BDH1: variants seen among roughly 807,000 people sequenced by gnomAD.
BDH1 encodes 3-hydroxybutyrate dehydrogenase 1, also known as D-beta-hydroxybutyrate dehydrogenase, mitochondrial.
In BDH1, 30 loss-of-function variants were observed where a neutral mutation model predicts 33.1. The observed-to-expected ratio is 0.91, with a 90% CI of 0.68 to 1.23. The LOEUF is 1.23. Ranked by LOEUF, BDH1 falls within the 50% of genes most tolerant of loss-of-function variation. BDH1 has a pLI of 0.00. For synonymous variants in BDH1, 190 were observed against 183.6 expected (o/e 1.03, Z -0.28); for missense variants, 443 against 464.4 (o/e 0.95, Z 0.42).
At chr3:197,569,369 A>C (rs1314731883) in intron 1 of BDH1, among the ~76,000 whole-genome samples, 1 of 152,162 alleles carries the variant, frequency 6.6e-6, no homozygotes, top group African/African-American at 2.4e-5. Flanking sequence ...GTTACACAGA[A>C]ATTTCATTCA....
At chr3:197,556,280 C>T (rs1409606003), upstream of BDH1, among the ~76,000 whole-genome samples, 6 of 152,232 alleles carry the variant, frequency 3.9e-5, no homozygotes, top group Non-Finnish European at 8.8e-5. Flanking sequence ...AGGAAAACTC[C>T]GGTGAGGAAG....
At chr3:197,552,707 G>A (rs917976188) in intron 2 of BDH1, among the ~76,000 whole-genome samples, 11 of 151,928 alleles carry the variant, frequency 7.2e-5, no homozygotes, top group Non-Finnish European at 4.4e-5. Flanking sequence ...CCCCAACCCT[G>A]ACTATCCCCC....
At chr3:197,530,174 C>T (rs1319636572) in intron 5 of BDH1, 1 of 152,176 alleles carries the variant, frequency 6.6e-6, no homozygotes, top group South Asian at 2.1e-4. Context: ...TCCCACCTAT[C>T]AGACTGGCAA....
chr3:197,512,942 G>A (rs1009337243), intron 7 of BDH1, among the ~76,000 whole-genome samples: 6 of 152,184 alleles, frequency 3.9e-5, no homozygotes, highest in Admixed American at 6.5e-5. Context: ...AGGGAGCCCC[G>A]GGACAGCCCT....
chr3:197,539,277 T>C (rs955548981), intron 3 of BDH1, among the ~76,000 whole-genome samples: 38 of 152,250 alleles, frequency 2.5e-4, no homozygotes, highest in African/African-American at 7.9e-4. Flanking sequence ...GTGGCTGGGA[T>C]TACAGGCACC....
intron 3 of BDH1, among the ~76,000 whole-genome samples, chr3:197,536,502 G>C (rs1471121008): frequency 1.3e-5 from 2 of 152,146 alleles, no homozygotes; most frequent in African/African-American, 4.8e-5. Flanking sequence ...CATTTACATA[G>C]ATCTTTGATT....
At chr3:197,547,121 C>T (rs71325620) in intron 2 of BDH1, among the ~76,000 whole-genome samples, 36,868 of 152,002 alleles carry the variant, frequency 0.24, 4,784 homozygotes, top group Middle Eastern at 0.32. Context: ...CACACACCCT[C>T]CCCGCTCCCT....
chr3:197,511,936 G>A lies in BDH1; in HGVS notation c.991C>T (p.His331Tyr). 2 of 1,580,742 alleles carry A rather than the reference G, an allele frequency of 1.3e-6. No homozygotes were observed. Among genetic ancestry groups the A allele is most frequent in the Non-Finnish European group, 1.7e-6 (2 of 1,160,168 alleles). Reference protein sequence around the residue: ...YWWLRMQIMTHLPGAISDMIY... With the variant: ...YWWLRMQIMTYLPGAISDMIY... Reference sequence around the variant, plus strand: ...ATGTCGGAGATGGCTCCAGGCAAGTGGGTCATGATCTGCATTCGCAGCCAC... The same window carrying A: ...ATGTCGGAGATGGCTCCAGGCAAGTAGGTCATGATCTGCATTCGCAGCCAC... The change falls in exon 8 of 8, where the codon CAC (histidine) becomes TAC (tyrosine). Residue 331 changes from histidine to tyrosine, a missense_variant. Transcript: ENST00000392379.
upstream of BDH1, among the ~76,000 whole-genome samples, chr3:197,558,039 G>GA (rs917769590): frequency 6.6e-6 from 1 of 152,164 alleles, no homozygotes; most frequent in Non-Finnish European, 1.5e-5. Flanking sequence ...TACCCCAAGG[G>GA]AAAAAACATA....
intron 2 of BDH1, among the ~76,000 whole-genome samples, chr3:197,547,652 T>A (rs1716194409): frequency 6.6e-6 from 1 of 152,248 alleles, no homozygotes; most frequent in Admixed American, 6.5e-5. Context: ...CCAAGAAACC[T>A]TTTTAACACC....
In BDH1 at chr3:197,525,459, A is replaced by G. The variant is rs957920106; in HGVS notation, c.268-2678T>C. Among the ~76,000 whole-genome samples, 12 of 152,202 alleles carry G rather than the reference A, an allele frequency of 7.9e-5. No homozygotes were observed. Among genetic ancestry groups the G allele is most frequent in the African/African-American group, 2.9e-4 (12 of 41,452 alleles). ...TCACGACAAGGTCCCTGCAGTCCTC[A>G]GGGGAAACCCCCGACTCCAAGTCAG... is the stretch of plus-strand genomic sequence containing the variant. On this transcript the variant is annotated intron_variant, in intron 5 of 7. Transcript: ENST00000392379. The surrounding 1 kb of genome is among the most constrained non-coding windows in gnomAD (Gnocchi z 4.9).
chr3:197,525,626 C>A lies in BDH1; in HGVS notation c.268-2845G>T, dbSNP rs568191071. ...TTCACTGACAGACCCACCCCAGGAA[C>A]CCTCACCTGCCTTTGGGCAGCCTCC... On this transcript the variant is annotated intron_variant, in intron 5 of 7. Transcript: ENST00000392379. This position sits in a 1 kb window ranked among gnomAD's most constrained non-coding sequence, Gnocchi z 4.9. Among the ~76,000 whole-genome samples, 1 of 152,344 alleles carries A rather than the reference C, an allele frequency of 6.6e-6. No homozygotes were observed. Among genetic ancestry groups the A allele is most frequent in the South Asian group, 2.1e-4 (1 of 4,830 alleles).
intron 2 of BDH1, among the ~76,000 whole-genome samples, chr3:197,549,705 C>T (rs1458530985): frequency 6.6e-6 from 1 of 152,220 alleles, no homozygotes; most frequent in Non-Finnish European, 1.5e-5. Context: ...GAGCTTCAGA[C>T]CAGCAAGTTT....
chr3:197,571,702 T>C (rs1717612217), intron 1 of BDH1, among the ~76,000 whole-genome samples: 1 of 152,242 alleles, frequency 6.6e-6, no homozygotes, highest in South Asian at 2.1e-4. Flanking sequence ...CCTCTTTTTC[T>C]TTATAAATTA....
chr3:197,522,675 T>A lies in BDH1; in HGVS notation c.374A>T (p.Glu125Val). The change falls in exon 6 of 8, where the codon GAG becomes GTG. Residue 125 changes from glutamate (E) to valine (V), a missense_variant. Coordinates refer to ENST00000392379, the MANE Select transcript of BDH1 (RefSeq NM_203314.3). The surrounding 1 kb of genome is among the most constrained non-coding windows in gnomAD (Gnocchi z 4.8). ...CSSEEVEKVV[E>V]IVRSSLKDPE... ...GTCCTTCAGGCTCGAGCGGACAATC[T>A]CCACCACTTTCTCCACCTCTTCGCT... 1 of 1,614,144 alleles carries A rather than the reference T, an allele frequency of 6.2e-7. No individual in the cohort carries two copies. The highest frequency in any genetic ancestry group is 8.5e-7 in the Non-Finnish European group (1 of 1,180,024).
chr3:197,542,789 T>C (rs1002467214), intron 3 of BDH1, among the ~76,000 whole-genome samples: 3 of 152,114 alleles, frequency 2.0e-5, no homozygotes, highest in African/African-American at 7.2e-5. Flanking sequence ...CCCAAAGTGC[T>C]GGGATTACAC....
At chr3:197,571,465 T>C (rs1001926886) in intron 1 of BDH1, among the ~76,000 whole-genome samples, 1 of 152,212 alleles carries the variant, frequency 6.6e-6, no homozygotes, top group Non-Finnish European at 1.5e-5. Flanking sequence ...TTCCCATGTG[T>C]TGTGGAAGGG....
At position 197,520,618 on chromosome 3, in the gene BDH1, C is replaced by A. The variant is rs938126082; in HGVS notation, c.409+2022G>T. Among the ~76,000 whole-genome samples the A allele has an allele frequency of 1.3e-5, 2 of 152,146 alleles. No homozygotes were observed. Among genetic ancestry groups the A allele is most frequent in the African/African-American group, 4.8e-5 (2 of 41,426 alleles). Reference sequence around the variant, plus strand: ...CTGCTTGGGTCTCCGGTGATGACGCCTTTCCACGGGCATTTTAGATCACCA... The same window carrying A: ...CTGCTTGGGTCTCCGGTGATGACGCATTTCCACGGGCATTTTAGATCACCA... On this transcript the variant is annotated intron_variant, in intron 6 of 7. Transcript: ENST00000392379. This position sits in a 1 kb window ranked among gnomAD's most constrained non-coding sequence, Gnocchi z 6.0.
chr3:197,562,713 T>A (rs538356095), intron 1 of BDH1, among the ~76,000 whole-genome samples: 8 of 151,576 alleles, frequency 5.3e-5, no homozygotes, highest in Non-Finnish European at 1.0e-4. Flanking sequence ...CTCACATCGA[T>A]CCATGCACAA....
Sources: allele counts gnomAD v4.1 joint callset (sites outside exome capture counted in the v4.1 genomes callset), GRCh38; gene constraint gnomAD v4.1.1; non-coding constraint Gnocchi (gnomAD v3.1); transcripts MANE v1.5; gene names NCBI Gene and HGNC (gene_info 2026-07-23, HGNC 2026-07-21).